MCC: variants seen among roughly 807,000 people sequenced by gnomAD.
MCC encodes colorectal mutant cancer protein.
Under a neutral mutation model 116.2 loss-of-function variants are expected in MCC, and 90 were observed. The ratio of observed to expected loss-of-function variants is 0.77; its 90% CI spans 0.65 to 0.92. The LOEUF (loss-of-function observed/expected upper bound fraction) is 0.92, where lower values mean the gene tolerates loss of function less well. Among genes scored for constraint, MCC ranks in the 40% least tolerant of loss-of-function variants. The probability of loss-of-function intolerance (pLI) is 0.00; values close to 1 mark genes in which losing one functional copy is unlikely to be tolerated. For synonymous variants in MCC, 578 were observed against 510.5 expected (o/e 1.13, Z -1.78); for missense variants, 1,516 against 1,312.2 (o/e 1.16, Z -2.40).
chr5:113,488,336 TGCTGCTGCTGCC>T lies in MCC; in HGVS notation c.67_78del (p.Gly23_Ser26del), dbSNP rs777476129. ...CCGGTGCTGGACGTGTCGCTGCTGCTGCTGCTGCTGCCGCTGCCGCCGCCGCCGCCGCCGCTG... is the reference window on the plus strand; with the variant it reads ...CCGGTGCTGGACGTGTCGCTGCTGCTGCTGCCGCCGCCGCCGCCGCCGCTG... On this transcript the variant is annotated inframe_deletion, in exon 1 of 19. Coordinates refer to ENST00000408903, the MANE Select transcript of MCC (RefSeq NM_001085377.2). The T allele has an allele frequency of 3.4e-6, 5 of 1,479,262 alleles. No individual in the cohort carries two copies. Among genetic ancestry groups the T allele is most frequent in the African/African-American group, 3.4e-5 (2 of 58,066 alleles). 91.6% of individuals were successfully genotyped at this position (1,479,262 alleles called of 1,614,324 possible).
In MCC at chr5:113,027,063, T is replaced by C. The variant is rs1159857447; in HGVS notation, c.*239A>G. The C allele has an allele frequency of 9.8e-6, 5 of 508,740 alleles. No homozygotes were observed. In the East Asian group the frequency reaches 9.9e-5, roughly 10 times the overall value. 31.5% of individuals were successfully genotyped at this position (508,740 alleles called of 1,614,324 possible). A position where few individuals can be genotyped will look rare whatever the true frequency, so the allele number is the denominator to read the frequency against. ...GGCTCTGCTGAGCAGGCACAGAACA[T>C]GTGTTTACACGCTGTTGTGGGCCCA... On this transcript the variant is annotated 3_prime_UTR_variant, in exon 19 of 19. Transcript: ENST00000408903.
intron 3 of MCC, among the ~76,000 whole-genome samples, chr5:113,183,162 C>T (rs1246424578): frequency 5.3e-5 from 8 of 152,156 alleles, no homozygotes; most frequent in African/African-American, 9.7e-5. Context: ...TCAGCGGCCC[C>T]ATCTGCTCCT....
At chr5:113,047,356 T>C (rs1313017384) in intron 16 of MCC, among the ~76,000 whole-genome samples, 1 of 152,232 alleles carries the variant, frequency 6.6e-6, no homozygotes, top group Non-Finnish European at 1.5e-5. Flanking sequence ...ATTTATCAGC[T>C]GAATGGATGA....
chr5:113,223,271 T>C (rs1038879965), intron 3 of MCC, among the ~76,000 whole-genome samples: 7 of 152,194 alleles, frequency 4.6e-5, no homozygotes, highest in Non-Finnish European at 8.8e-5. Flanking sequence ...GTTTGTGAAA[T>C]ACTTGAATTA....
chr5:113,419,494 G>A (rs186219671), intron 1 of MCC, among the ~76,000 whole-genome samples: 11 of 151,816 alleles, frequency 7.2e-5, no homozygotes, highest in Admixed American at 2.6e-4. Flanking sequence ...ACCATACCCC[G>A]TTGTGATAGG....
chr5:113,149,964 A>T (rs1759750481), intron 4 of MCC, among the ~76,000 whole-genome samples: 1 of 152,270 alleles, frequency 6.6e-6, no homozygotes, highest in Middle Eastern at 3.4e-3. Flanking sequence ...TAGTAGCTAA[A>T]ACTAGGAGGG....
chr5:113,138,427 G>A (rs1428920128), intron 5 of MCC, among the ~76,000 whole-genome samples: 1 of 152,174 alleles, frequency 6.6e-6, no homozygotes, highest in East Asian at 1.9e-4. Flanking sequence ...CTCATGATGG[G>A]ACTGGTGCCC....
At chr5:113,060,062 A>G (rs947817371) in intron 14 of MCC, among the ~76,000 whole-genome samples, 1 of 152,072 alleles carries the variant, frequency 6.6e-6, no homozygotes, top group African/African-American at 2.4e-5. Context: ...TGCCTTGAAA[A>G]TCCGTGATGA....
intron 2 of MCC, among the ~76,000 whole-genome samples, chr5:113,382,665 T>C (rs1465524002): frequency 6.6e-6 from 1 of 152,166 alleles, no homozygotes; most frequent in African/African-American, 2.4e-5. Context: ...GAATATTAGT[T>C]TAACACGTAT....
At chr5:113,319,508 G>A (rs1226971160) in intron 3 of MCC, among the ~76,000 whole-genome samples, 1 of 152,194 alleles carries the variant, frequency 6.6e-6, no homozygotes, top group Admixed American at 6.5e-5. Flanking sequence ...CTTGTTTTGG[G>A]AAAGCATGTT....
chr5:113,134,470 C>T (rs76306431), intron 5 of MCC, among the ~76,000 whole-genome samples: 1 of 150,866 alleles, frequency 6.6e-6, no homozygotes, highest in East Asian at 1.9e-4. Flanking sequence ...TTGGTTGCCA[C>T]AGCTTTGTAG....
chr5:113,292,403 A>C (rs1028089617), intron 3 of MCC, among the ~76,000 whole-genome samples: 11 of 152,182 alleles, frequency 7.2e-5, no homozygotes, highest in Admixed American at 7.2e-4. Flanking sequence ...ATGAGAAGAA[A>C]AGAACATCTG....
chr5:113,056,724 ATAAAAG>A (rs1400614070), intron 14 of MCC, among the ~76,000 whole-genome samples: 1 of 151,422 alleles, frequency 6.6e-6, no homozygotes, highest in Non-Finnish European at 1.5e-5. Flanking sequence ...TGAACTTAAA[ATAAAAG>A]TAAAAAAAAA....
At chr5:113,048,041 G>C (rs1350407589) in intron 16 of MCC, among the ~76,000 whole-genome samples, 2 of 152,216 alleles carry the variant, frequency 1.3e-5, no homozygotes, top group Non-Finnish European at 1.5e-5. Flanking sequence ...GGAGAGAAGA[G>C]AGCCCGTTAG....
rs554551283 is a variant in MCC at position 113,344,744 on chromosome 5, G to T, written c.416-4014C>A. Among the ~76,000 whole-genome samples the T allele has an allele frequency of 2.0e-3, 301 of 152,032 alleles. 1 individual carries two copies. Among genetic ancestry groups the T allele is most frequent in the Non-Finnish European group, 2.8e-3 (193 of 67,982 alleles). On this transcript the variant is annotated intron_variant, in intron 2 of 18. Coordinates refer to ENST00000408903, the MANE Select transcript of MCC (RefSeq NM_001085377.2). The stretch of plus-strand genomic sequence containing the variant: ...CCATTTCTGGCAGGATTCATCACCT[G>T]CTGACTAAAGAGTCATTGGGCCCCG...
At chr5:113,077,498 A>G (rs1255270541) in intron 11 of MCC, among the ~76,000 whole-genome samples, 1 of 152,238 alleles carries the variant, frequency 6.6e-6, no homozygotes, top group African/African-American at 2.4e-5. Context: ...CAGGATTAAG[A>G]AACTCACTCA....
At chr5:113,129,093 G>C (rs1167458432) in intron 5 of MCC, among the ~76,000 whole-genome samples, 1 of 152,194 alleles carries the variant, frequency 6.6e-6, no homozygotes, top group African/African-American at 2.4e-5. Flanking sequence ...TTTTGTAGCA[G>C]ACCCAGTAAG....
chr5:113,097,698 T>C (rs1345908282), intron 8 of MCC, among the ~76,000 whole-genome samples: 1 of 152,166 alleles, frequency 6.6e-6, no homozygotes, highest in Non-Finnish European at 1.5e-5. Flanking sequence ...GTCTCTTTAT[T>C]TAACCTCTGT....
intron 1 of MCC, among the ~76,000 whole-genome samples, chr5:113,412,961 T>C (rs1208127554): frequency 6.6e-6 from 1 of 152,204 alleles, no homozygotes; most frequent in African/African-American, 2.4e-5. Flanking sequence ...ACCTAGCTTA[T>C]TGAGAGTTTT....
Sources: allele counts gnomAD v4.1 joint callset (sites outside exome capture counted in the v4.1 genomes callset), GRCh38; gene constraint gnomAD v4.1.1; transcripts MANE v1.5; gene names NCBI Gene and HGNC (gene_info 2026-07-23, HGNC 2026-07-21).